RORA: variants seen among roughly 807,000 people sequenced by gnomAD.
The protein encoded by RORA is nuclear receptor ROR-alpha.
A neutral mutation model predicts 69.5 loss-of-function variants in RORA; 7 were observed. That is an observed-to-expected ratio of 0.10 (90% CI 0.06 to 0.19). RORA has a LOEUF of 0.19. Among genes scored for constraint, RORA ranks in the 10% least tolerant of loss-of-function variants. The pLI, the probability that RORA is intolerant of heterozygous loss-of-function variation, is 1.00. For synonymous variants in RORA, 261 were observed against 240.8 expected, an observed-to-expected ratio of 1.08 and a Z score of -0.78; for missense variants, 457 against 663.0, an observed-to-expected ratio of 0.69 and a Z score of 3.41.
chr15:60,679,819 C>T (rs1356505105), intron 1 of RORA, among the ~76,000 whole-genome samples: 1 of 152,146 alleles, frequency 6.6e-6, no homozygotes, highest in Non-Finnish European at 1.5e-5. Context: ...TTGCTCCCCC[C>T]AACACTTTCC....
chr15:60,740,942 CT>C (rs1335773992), intron 1 of RORA, among the ~76,000 whole-genome samples: 2 of 152,174 alleles, frequency 1.3e-5, no homozygotes, highest in Non-Finnish European at 2.9e-5. Context: ...AGCTGTGGCA[CT>C]TTTTGAGGCT....
At chr15:61,190,825 G>A (rs1387059135) in intron 1 of RORA, among the ~76,000 whole-genome samples, 1 of 152,202 alleles carries the variant, frequency 6.6e-6, no homozygotes. Flanking sequence ...CAGAATGCTT[G>A]CATGTATGTG....
intron 1 of RORA, among the ~76,000 whole-genome samples, chr15:60,867,245 C>T (rs72750668): frequency 0.34 from 52,379 of 151,992 alleles, 9,119 homozygotes; most frequent in South Asian, 0.4. Flanking sequence ...TAGTAAGTGA[C>T]TGAGCCTGAG....
At chr15:60,879,545 C>A (rs532119704) in intron 1 of RORA, among the ~76,000 whole-genome samples, 1 of 152,246 alleles carries the variant, frequency 6.6e-6, no homozygotes, top group East Asian at 1.9e-4. Flanking sequence ...TTAAATGCAA[C>A]CTGATAATCA....
At chr15:61,012,164 A>C (rs1248605189) in intron 1 of RORA, among the ~76,000 whole-genome samples, 1 of 152,270 alleles carries the variant, frequency 6.6e-6, no homozygotes, top group African/African-American at 2.4e-5. Context: ...CTGAAATGGA[A>C]ATAAAAACAT....
At chr15:60,907,677 G>A (rs1183081005) in intron 1 of RORA, among the ~76,000 whole-genome samples, 1 of 152,092 alleles carries the variant, frequency 6.6e-6, no homozygotes, top group Non-Finnish European at 1.5e-5. Context: ...ATAAAAGGAG[G>A]AGCCCTGGGC....
intron 1 of RORA, among the ~76,000 whole-genome samples, chr15:60,853,099 T>C (rs756091803): frequency 2.4e-4 from 36 of 152,214 alleles, no homozygotes; most frequent in Non-Finnish European, 1.6e-4. Flanking sequence ...TGCTCAGAGT[T>C]CAGGGCGGAG....
chr15:60,489,690 T>C lies in RORA; in HGVS notation c.*7765A>G, dbSNP rs1043214525. On this transcript the variant is annotated 3_prime_UTR_variant, in exon 11 of 11. Transcript: ENST00000335670. Reference sequence around the variant, plus strand: ...CGAATTTGCTTTATGGCCCATGTTATGGCAGAGGACGTCTCCATCCTTCTC... The same window carrying C: ...CGAATTTGCTTTATGGCCCATGTTACGGCAGAGGACGTCTCCATCCTTCTC... The C allele has an allele frequency of 1.3e-4, 20 of 152,298 alleles. No homozygotes were observed. Among genetic ancestry groups the C allele is most frequent in the Admixed American group, 9.2e-4 (14 of 15,296 alleles). The allele number at this position is 152,298 out of a possible 1,614,324, so 9.4% of individuals were successfully genotyped here. A position where few individuals can be genotyped will look rare whatever the true frequency, so the allele number is the denominator to read the frequency against.
intron 2 of RORA, among the ~76,000 whole-genome samples, chr15:60,619,448 G>A (rs935421541): frequency 6.6e-6 from 1 of 152,156 alleles, no homozygotes; most frequent in Admixed American, 6.6e-5. Context: ...TGCCTTTTAC[G>A]TCAGTTCATA....
rs59042428 is a variant in RORA at position 60,561,056 on chromosome 15, GTTTTT to G, written c.197-29210_197-29206del. Among the ~76,000 whole-genome samples the G allele has an allele frequency of 7.9e-3, 943 of 119,718 alleles. 17 individuals are homozygous for G. The highest frequency in any genetic ancestry group is 0.03 in the African/African-American group (906 of 29,746). 78.5% of individuals were successfully genotyped at this position (119,718 alleles called of 152,430 possible). Reference sequence around the variant, plus strand: ...TTATACATGGGAAGTTTTAACTTGTGTTTTTTTTTTTTTTGTTTTGTTTTTGTTTT... The same window carrying G: ...TTATACATGGGAAGTTTTAACTTGTGTTTTTTTTTGTTTTGTTTTTGTTTT... On this transcript the variant is annotated intron_variant, in intron 2 of 10. Coordinates refer to ENST00000335670, the MANE Select transcript of RORA (RefSeq NM_134261.3).
At chr15:60,820,169 C>T (rs1232054947) in intron 1 of RORA, among the ~76,000 whole-genome samples, 4 of 152,266 alleles carry the variant, frequency 2.6e-5, no homozygotes, top group Admixed American at 2.0e-4. Flanking sequence ...GGACGCTGCA[C>T]TCCACCTCCC....
At chr15:61,072,475 T>C (rs776431065) in intron 1 of RORA, among the ~76,000 whole-genome samples, 1 of 152,256 alleles carries the variant, frequency 6.6e-6, no homozygotes, top group Non-Finnish European at 1.5e-5. Flanking sequence ...CTCTAAATGC[T>C]GAATGGAGAA....
intron 1 of RORA, among the ~76,000 whole-genome samples, chr15:61,007,867 T>C (rs1416550448): frequency 6.7e-6 from 1 of 148,936 alleles, no homozygotes; most frequent in Non-Finnish European, 1.5e-5. Flanking sequence ...ATAAAATATA[T>C]AACATTAGGA....
At chr15:60,738,764 G>A (rs150973911) in intron 1 of RORA, among the ~76,000 whole-genome samples, 93 of 152,330 alleles carry the variant, frequency 6.1e-4, no homozygotes, top group Admixed American at 1.2e-3. Context: ...CAGAGGAAGC[G>A]CATTGTCTTA....
At chr15:60,627,319 C>T (rs1165735947) in intron 2 of RORA, 3 of 1,614,110 alleles carry the variant, frequency 1.9e-6, no homozygotes, top group Non-Finnish European at 2.5e-6. Flanking sequence ...CATGATTGAC[C>T]ACGGCACTCT....
At chr15:60,915,236 C>G (rs1237723022) in intron 1 of RORA, among the ~76,000 whole-genome samples, 1 of 152,210 alleles carries the variant, frequency 6.6e-6, no homozygotes, top group Non-Finnish European at 1.5e-5. Context: ...GAAGAAGCAT[C>G]AAGACATGCT....
chr15:60,690,001 C>T (rs1031592055), intron 1 of RORA, among the ~76,000 whole-genome samples: 3 of 152,156 alleles, frequency 2.0e-5, no homozygotes, highest in Admixed American at 6.5e-5. Flanking sequence ...CGACAATTGG[C>T]GTAAAACAAT....
chr15:60,777,638 T>G (rs1175888906), intron 1 of RORA, among the ~76,000 whole-genome samples: 1 of 152,140 alleles, frequency 6.6e-6, no homozygotes, highest in Admixed American at 6.5e-5. Context: ...CCCAGATGGA[T>G]TACACCTTCA....
intron 1 of RORA, among the ~76,000 whole-genome samples, chr15:60,780,649 G>A (rs192970250): frequency 4.6e-5 from 7 of 151,816 alleles, no homozygotes; most frequent in East Asian, 3.9e-4. Context: ...TTCTATGACC[G>A]TAAAATAACT....
Sources: gnomAD v4.1 joint callset for allele counts (sites outside exome capture counted in the v4.1 genomes callset) on GRCh38, gnomAD v4.1.1 for gene constraint, MANE v1.5 for transcripts, NCBI Gene and HGNC (gene_info 2026-07-23, HGNC 2026-07-21) for gene names.